SLC24A3: variants seen among roughly 807,000 people sequenced by gnomAD.
SLC24A3 encodes solute carrier family 24 member 3.
SLC24A3 carries 28 observed loss-of-function variants against 75.8 expected under a neutral mutation model. The observed-to-expected ratio is 0.37, with a 90% CI of 0.27 to 0.51. SLC24A3 has a LOEUF of 0.51. SLC24A3 is among the 20% of genes least tolerant of loss of function. The pLI is 0.94. For missense variants in SLC24A3, 663 were observed against 847.8 expected, an observed-to-expected ratio of 0.78 and a Z score of 2.71; for synonymous variants, 372 against 334.1, an observed-to-expected ratio of 1.11 and a Z score of -1.24.
At chr20:19,333,168 T>C (rs1249071972) in intron 2 of SLC24A3, among the ~76,000 whole-genome samples, 1 of 152,238 alleles carries the variant, frequency 6.6e-6, no homozygotes, top group African/African-American at 2.4e-5. Flanking sequence ...TGTCTGTTTA[T>C]CTGTCATCTG....
chr20:19,364,874 G>C (rs145224478), intron 2 of SLC24A3, among the ~76,000 whole-genome samples: 1 of 152,252 alleles, frequency 6.6e-6, no homozygotes, highest in African/African-American at 2.4e-5. Context: ...CAAGAAACTA[G>C]GCCCTACCAG....
At chr20:19,539,086 G>A (rs537529036) in intron 3 of SLC24A3, among the ~76,000 whole-genome samples, 1 of 152,332 alleles carries the variant, frequency 6.6e-6, no homozygotes, top group African/African-American at 2.4e-5. Context: ...CAGGATGATG[G>A]TTAGAGACTG....
chr20:19,586,851 TAGAC>T (rs1012195428), intron 6 of SLC24A3, among the ~76,000 whole-genome samples: 4 of 152,232 alleles, frequency 2.6e-5, no homozygotes, highest in Non-Finnish European at 5.9e-5. Context: ...CTCAGCTCCT[TAGAC>T]TGAATGATTT....
At chr20:19,226,863 A>T (rs1344980452) in intron 1 of SLC24A3, among the ~76,000 whole-genome samples, 1 of 152,178 alleles carries the variant, frequency 6.6e-6, no homozygotes, top group Non-Finnish European at 1.5e-5. Context: ...TCCTTTGATT[A>T]TGTCATAACT....
chr20:19,694,034 A>G (rs1462073614), intron 13 of SLC24A3: 1 of 152,398 alleles, frequency 6.6e-6, no homozygotes, highest in Non-Finnish European at 1.5e-5. Context: ...CTTCAGCCAG[A>G]CAATGAGGCA....
rs71870940 is a variant in SLC24A3 at position 19,322,365 on chromosome 20, C to CCTTCCTT, written c.271+41279_271+41280insTTCCTTC. On this transcript the variant is annotated intron_variant, in intron 2 of 16. Coordinates refer to ENST00000328041, the MANE Select transcript of SLC24A3 (RefSeq NM_020689.4). ...TTGAGCCTTCTTTCCTTCCTTCCTT[C>CCTTCCTT]CCTTCCTTCCTTCCTTCCTTCCTTC... Among the ~76,000 whole-genome samples, 219 of 80,068 alleles carry CCTTCCTT rather than the reference C, an allele frequency of 2.7e-3. 7 individuals carry two copies. Among genetic ancestry groups the CCTTCCTT allele is most frequent in the African/African-American group, 0.015 (186 of 12,588 alleles). 52.5% of individuals were successfully genotyped at this position (80,068 alleles called of 152,430 possible).
At chr20:19,585,879 T>A (rs1035957299) in intron 6 of SLC24A3, among the ~76,000 whole-genome samples, 29 of 152,138 alleles carry the variant, frequency 1.9e-4, no homozygotes, top group Admixed American at 1.6e-3. Context: ...CTAAAACAAT[T>A]TTAGGTATGA....
intron 2 of SLC24A3, among the ~76,000 whole-genome samples, chr20:19,485,204 C>A (rs1568631494): frequency 6.6e-6 from 1 of 152,158 alleles, no homozygotes; most frequent in Non-Finnish European, 1.5e-5. Flanking sequence ...TCCAGATACA[C>A]AAAGAAGTGT....
intron 1 of SLC24A3, among the ~76,000 whole-genome samples, chr20:19,238,054 A>G (rs1274609712): frequency 6.6e-6 from 1 of 152,232 alleles, no homozygotes; most frequent in Non-Finnish European, 1.5e-5. Flanking sequence ...TGTACAGAAA[A>G]GGGTATCTAT....
chr20:19,361,880 C>A (rs1460352525), intron 2 of SLC24A3, among the ~76,000 whole-genome samples: 1 of 151,990 alleles, frequency 6.6e-6, no homozygotes, highest in African/African-American at 2.4e-5. Flanking sequence ...ATAAAATATT[C>A]CAAAAGAAAA....
At chr20:19,426,852 T>A (rs1987015315) in intron 2 of SLC24A3, among the ~76,000 whole-genome samples, 1 of 152,164 alleles carries the variant, frequency 6.6e-6, no homozygotes, top group East Asian at 1.9e-4. Context: ...ACAGTGGGAC[T>A]GGGGAGTGAG....
At chr20:19,463,992 C>T (rs745679172) in intron 2 of SLC24A3, among the ~76,000 whole-genome samples, 1 of 152,210 alleles carries the variant, frequency 6.6e-6, no homozygotes, top group Non-Finnish European at 1.5e-5. Flanking sequence ...GCAGCCCAGC[C>T]CTGAACACTT....
intron 12 of SLC24A3, among the ~76,000 whole-genome samples, chr20:19,690,140 G>C (rs953398703): frequency 3.4e-5 from 5 of 147,618 alleles, no homozygotes; most frequent in African/African-American, 1.0e-4. Context: ...CTTTATATTT[G>C]TTATATTTGC....
chr20:19,558,556 T>C (rs919317737), intron 3 of SLC24A3, among the ~76,000 whole-genome samples: 5 of 152,180 alleles, frequency 3.3e-5, no homozygotes, highest in Admixed American at 2.0e-4. Context: ...AGTAGCCTCC[T>C]CTCCATGTCA....
At chr20:19,376,483 C>T (rs1160105969) in intron 2 of SLC24A3, among the ~76,000 whole-genome samples, 4 of 152,160 alleles carry the variant, frequency 2.6e-5, no homozygotes, top group Non-Finnish European at 2.9e-5. Flanking sequence ...TGTACCGTAG[C>T]GTGGATAATC....
At chr20:19,231,259 G>A (rs549276375) in intron 1 of SLC24A3, among the ~76,000 whole-genome samples, 1 of 152,344 alleles carries the variant, frequency 6.6e-6, no homozygotes, top group African/African-American at 2.4e-5. Flanking sequence ...CTACCCCAGT[G>A]TGGTTTGCAG....
chr20:19,367,908 A>G (rs775257678), intron 2 of SLC24A3, among the ~76,000 whole-genome samples: 6 of 152,196 alleles, frequency 3.9e-5, no homozygotes, highest in Non-Finnish European at 5.9e-5. Flanking sequence ...ATGTCTGCTG[A>G]GTAACAGACT....
rs190322616 is a variant in SLC24A3, at chr20:19,705,764, G to A, written c.1719+7084G>A. On this transcript the variant is annotated intron_variant, in intron 15 of 16. Coordinates refer to ENST00000328041, the MANE Select transcript of SLC24A3 (RefSeq NM_020689.4). ...CATAATTATCTGATAATTACCATCCGGATGGCTGTTTTGTGCATGGCATTA... is the reference window on the plus strand; with the variant it reads ...CATAATTATCTGATAATTACCATCCAGATGGCTGTTTTGTGCATGGCATTA... Among the ~76,000 whole-genome samples, 202 of 152,198 alleles carry A rather than the reference G, an allele frequency of 1.3e-3. 1 individual carries two copies. The highest frequency in any genetic ancestry group is 0.012 in the South Asian group (57 of 4,824).
In SLC24A3 at chr20:19,346,160, G is replaced by GTATATA. The variant is rs200564937; in HGVS notation, c.271+65077_271+65082dup. On this transcript the variant is annotated intron_variant, in intron 2 of 16. Transcript: ENST00000328041. The stretch of plus-strand genomic sequence containing the variant: ...TATGGTGTGTGTATATATATATGGT[G>GTATATA]TATATATATGGTATATATATATGGT... Among the ~76,000 whole-genome samples the GTATATA allele has an allele frequency of 3.3e-4, 14 of 43,018 alleles. 6 individuals carry two copies. The highest frequency in any genetic ancestry group is 2.1e-3 in the African/African-American group (10 of 4,664). 28.2% of individuals were successfully genotyped at this position (43,018 alleles called of 152,430 possible).
Sources: allele counts gnomAD v4.1 joint callset (sites outside exome capture counted in the v4.1 genomes callset), GRCh38; gene constraint gnomAD v4.1.1; transcripts MANE v1.5; gene names NCBI Gene and HGNC (gene_info 2026-07-23, HGNC 2026-07-21).